COQ8A: variants seen among roughly 807,000 people sequenced by gnomAD.
COQ8A encodes atypical kinase COQ8A, mitochondrial.
In COQ8A, 51 loss-of-function variants were observed where a neutral mutation model predicts 65.0. The observed-to-expected ratio is 0.78, with a 90% CI of 0.63 to 0.99. The LOEUF (loss-of-function observed/expected upper bound fraction) is 0.99. Among genes scored for constraint, COQ8A ranks in the 50% least tolerant of loss-of-function variants. The pLI, the probability that COQ8A is intolerant of heterozygous loss-of-function variation, is 0.00. For synonymous variants in COQ8A, 371 were observed against 353.2 expected (o/e 1.05, Z -0.57); for missense variants, 940 against 875.0 (o/e 1.07, Z -0.94).
Position 226,978,776 on chromosome 1 carries a change from G to A in COQ8A, c.730+1253G>A, listed in dbSNP as rs866659960. ...ACCCACCTCACACCCGCATACCTCC[G>A]TACACACCCACCTCTCACCCGCACA... On this transcript the variant is annotated intron_variant, in intron 5 of 14. Transcript: ENST00000366777. Among the ~76,000 whole-genome samples the A allele has an allele frequency of 1.1e-4, 8 of 71,244 alleles. 2 individuals carry two copies. In the East Asian group the frequency reaches 2.8e-3, roughly 25 times the overall value. The allele number at this position is 71,244 out of a possible 152,430, so 46.7% of individuals were successfully genotyped here. A position where few individuals can be genotyped will look rare whatever the true frequency, so the allele number is the denominator to read the frequency against.
chr1:226,983,694 C>T (rs1659860136), intron 9 of COQ8A, 61 bp downstream of exon 9: 1 of 1,612,202 alleles, frequency 6.2e-7, no homozygotes, highest in African/African-American at 1.3e-5. Flanking sequence ...GTGTTGGGTT[C>T]TGGGGACCAG....
intron 1 of COQ8A, among the ~76,000 whole-genome samples, chr1:226,944,594 C>G (rs571678713): frequency 1.1e-4 from 16 of 150,818 alleles, no homozygotes; most frequent in African/African-American, 3.2e-4. Flanking sequence ...CAAAGGTCCG[C>G]TAAAGAGGGG....
In COQ8A at chr1:226,958,960, T is replaced by C. The variant is rs183768490; in HGVS notation, c.-9-2417T>C. Among the ~76,000 whole-genome samples, 704 of 152,318 alleles carry C rather than the reference T, an allele frequency of 4.6e-3. 3 individuals carry two copies. Among genetic ancestry groups the C allele is most frequent in the Non-Finnish European group, 7.8e-3 (531 of 68,034 alleles). On this transcript the variant is annotated intron_variant, in intron 1 of 14. Transcript: ENST00000366777. ...CGGTGCTGATAGGATTTTTAACTTG[T>C]GTATTACATGGTTTGAGGGCTTTTA...
intron 5 of COQ8A, among the ~76,000 whole-genome samples, chr1:226,977,992 C>G (rs1405469258): frequency 6.7e-6 from 1 of 149,458 alleles, no homozygotes; most frequent in East Asian, 2.0e-4. Context: ...CACCCACACA[C>G]CTCCTTATAC....
chr1:226,965,204 G>T lies in COQ8A; in HGVS notation c.382G>T (p.Ala128Ser), dbSNP rs1215077379. Residue 128 changes from alanine (A) to serine (S), a missense_variant, in exon 3 of 15, where the codon GCC becomes TCC. Ala to Ser is a moderately conservative substitution (Grantham distance 99, BLOSUM62 1). Transcript: ENST00000366777. ...CGTGGCCAGTGGACCCTTTAGAGAA[G>T]CCGGGTTCCCCGGCCAGGCCTCCTC... is the stretch of plus-strand genomic sequence containing the variant. ...AYVASGPFRE[A>S]GFPGQASSPL... The T allele has an allele frequency of 6.2e-7, 1 of 1,613,594 alleles. No individual in the cohort carries two copies. Among genetic ancestry groups the T allele is most frequent in the Admixed American group, 1.7e-5 (1 of 60,020 alleles).
rs771302737 is a variant in COQ8A, at chr1:226,965,056, G to C, written c.234G>C (p.Glu78Asp). 1.1e-5 allele frequency: 18 copies of C among 1,614,022 alleles called. No homozygotes were observed. Among genetic ancestry groups the C allele is most frequent in the East Asian group, 4.5e-5 (2 of 44,874 alleles). Residue 78 changes from glutamate to aspartate, a missense_variant, in exon 3 of 15, where the codon GAG becomes GAC. Physicochemically the swap from Glu to Asp is conservative, Grantham distance 45. Transcript: ENST00000366777. ...FAENFGGPEG[E>D]FHFSVPHAAG... ...AGAACTTCGGCGGCCCAGAAGGGGA[G>C]TTCCACTTCTCAGTCCCGCATGCAG...
intron 1 of COQ8A, among the ~76,000 whole-genome samples, chr1:226,945,911 G>T (rs747085910): frequency 1.7e-4 from 26 of 152,196 alleles, no homozygotes; most frequent in Non-Finnish European, 3.2e-4. Flanking sequence ...TTTTGCTCCT[G>T]TAAAAATCAC....
Position 226,965,844 on chromosome 1 carries a change from G to A in COQ8A, c.655+107G>A, listed in dbSNP as rs2148064641. 2.4e-6 allele frequency: 3 copies of A among 1,274,020 alleles called. No individual in the cohort carries two copies. The East Asian group carries it at 7.2e-5, about 31-fold the overall frequency. The allele number at this position is 1,274,020 out of a possible 1,614,324, so 78.9% of individuals were successfully genotyped here. ...AGCAATATCCCGGGGAGGGCGTTGG[G>A]GGAGCAGGTGGCGGTGGCCGCCCCT... On this transcript the variant is annotated intron_variant, in intron 4 of 14. Transcript: ENST00000366777.
At chr1:226,985,000 T>C in intron 13 of COQ8A, 59 bp downstream of exon 13, 2 of 1,593,130 alleles carry the variant, frequency 1.3e-6, no homozygotes, top group Non-Finnish European at 1.7e-6. Flanking sequence ...GACAGGATGC[T>C]GGGGGACTCG....
chr1:226,986,367 C>T (rs1660112557), intron 14 of COQ8A, 86 bp from the exon 15 acceptor site: 4 of 1,463,324 alleles, frequency 2.7e-6, no homozygotes, highest in Non-Finnish European at 2.8e-6. Flanking sequence ...AATGAGAACT[C>T]AGCGCCCCGG....
At position 226,986,545 on chromosome 1, in the gene COQ8A, C is replaced by T. The variant is rs201865243; in HGVS notation, c.1752C>T (p.Thr584=). The T allele has an allele frequency of 1.5e-4, 250 of 1,614,030 alleles. No homozygotes were observed. The East Asian group carries it at 2.9e-3, about 19-fold the overall frequency. The stretch of plus-strand genomic sequence containing the variant: ...TTGATTTTGGCACTCAGAGCACCAC[C>T]GAGAAGATCCACAACCTGATTCCCG... The part of the protein sequence containing the change: ...EPFDFGTQST[T]EKIHNLIPVM... Residue 584 remains threonine, a synonymous_variant, in exon 15 of 15, where the codon ACC becomes ACT. Coordinates refer to ENST00000366777, the MANE Select transcript of COQ8A (RefSeq NM_020247.5).
Position 226,972,056 on chromosome 1 carries a change from C to T in COQ8A, c.656-5393C>T, listed in dbSNP as rs1173418008. Among the ~76,000 whole-genome samples, 1 of 152,150 alleles carries T rather than the reference C, an allele frequency of 6.6e-6. No individual in the cohort carries two copies. The highest frequency in any genetic ancestry group is 3.2e-3 in the Middle Eastern group (1 of 316). On this transcript the variant is annotated intron_variant, in intron 4 of 14. Transcript: ENST00000366777. This position sits in a 1 kb window ranked among gnomAD's most constrained non-coding sequence, Gnocchi z 4.3. Reference sequence around the variant, plus strand: ...TGCCTTTTTCCATTTATCCTTCAGTCTTGCAGGTTTAGAGGAGATGACTTA... The same window carrying T: ...TGCCTTTTTCCATTTATCCTTCAGTTTTGCAGGTTTAGAGGAGATGACTTA...
At chr1:226,976,453 T>A (rs1479454535) in intron 4 of COQ8A, among the ~76,000 whole-genome samples, 1 of 151,782 alleles carries the variant, frequency 6.6e-6, no homozygotes, top group East Asian at 1.9e-4. Flanking sequence ...GCTGCGATGT[T>A]GCCCGGGTGC....
intron 14 of COQ8A, 43 bp from the exon 15 acceptor site, chr1:226,986,409 GC>G (rs1415535881): frequency 6.2e-7 from 1 of 1,602,998 alleles, no homozygotes; most frequent in East Asian, 2.2e-5. Flanking sequence ...CTGGTGGAGG[GC>G]TCTGGTGTCT....
At chr1:226,983,211 T>G (rs1659827194) in intron 8 of COQ8A, 177 bp downstream of exon 8, 3 of 1,048,932 alleles carry the variant, frequency 2.9e-6, no homozygotes, top group Non-Finnish European at 4.0e-6. Flanking sequence ...TTGGGAAGTA[T>G]TTGCTAAATG....
At chr1:226,984,478 C>T (rs1659949247) in intron 11 of COQ8A, 70 bp from the exon 12 acceptor site, 2 of 1,413,492 alleles carry the variant, frequency 1.4e-6, no homozygotes, top group Admixed American at 3.4e-5. Flanking sequence ...AGGGGCTTCT[C>T]TGGCCCCAGT....
rs139133094 is a variant in COQ8A, at chr1:226,983,786, C to G, written c.1188C>G (p.Asp396Glu). Residue 396 changes from aspartate (D) to glutamate (E), a missense_variant, in exon 10 of 15, where the codon GAC (aspartate) becomes GAG (glutamate). Coordinates refer to ENST00000366777, the MANE Select transcript of COQ8A (RefSeq NM_020247.5). ...GCCTGTTCCCCGAGCACCTGATCGA[C>G]GTGCTGAGGCGGGAGCTGGCCCTGG... Reference protein sequence around the residue: ...PEGLFPEHLIDVLRRELALEC... With the variant: ...PEGLFPEHLIEVLRRELALEC... 4 of 1,613,030 alleles carry G rather than the reference C, an allele frequency of 2.5e-6. No individual in the cohort carries two copies. Among genetic ancestry groups the G allele is most frequent in the South Asian group, 1.1e-5 (1 of 91,074 alleles).
At chr1:226,954,994 G>T (rs1351540806) in intron 1 of COQ8A, among the ~76,000 whole-genome samples, 1 of 152,170 alleles carries the variant, frequency 6.6e-6, no homozygotes, top group Non-Finnish European at 1.5e-5. Flanking sequence ...TGCCCCCTCT[G>T]CACAGGCCTG....
At chr1:226,960,238 T>C (rs1412771210) in intron 1 of COQ8A, among the ~76,000 whole-genome samples, 2 of 148,864 alleles carry the variant, frequency 1.3e-5, no homozygotes, top group Non-Finnish European at 3.0e-5. Context: ...TACTTGGTGG[T>C]GGTGGTCCTT....
Sources: allele counts gnomAD v4.1 joint callset (sites outside exome capture counted in the v4.1 genomes callset), GRCh38; gene constraint gnomAD v4.1.1; non-coding constraint Gnocchi (gnomAD v3.1); transcripts MANE v1.5; gene names NCBI Gene and HGNC (gene_info 2026-07-23, HGNC 2026-07-21).